IPO11: variants seen among roughly 807,000 people sequenced by gnomAD.
IPO11 encodes importin 11.
In IPO11, 66 loss-of-function variants were observed where a neutral mutation model predicts 143.2. That is an observed-to-expected ratio of 0.46 (90% confidence interval 0.38 to 0.57). IPO11 has a LOEUF of 0.57. Among genes scored for constraint, IPO11 ranks in the 20% least tolerant of loss-of-function variants. The probability of loss-of-function intolerance (pLI) is 0.00; values close to 1 mark genes in which losing one functional copy is unlikely to be tolerated. For synonymous variants in IPO11, 385 were observed against 377.8 expected (o/e 1.02, Z -0.22); for missense variants, 1,026 against 1,141.0 (o/e 0.90, Z 1.45).
chr5:62,485,207 A>G (rs567797134), intron 11 of IPO11, among the ~76,000 whole-genome samples: 1 of 152,180 alleles, frequency 6.6e-6, no homozygotes. Flanking sequence ...ATGCTTATGG[A>G]TATAGTAAGC....
intron 21 of IPO11, among the ~76,000 whole-genome samples, chr5:62,528,936 C>T (rs1742454141): frequency 1.3e-5 from 2 of 152,086 alleles, no homozygotes; most frequent in Non-Finnish European, 2.9e-5. Flanking sequence ...TTTTATTTTC[C>T]TCTTGATCCA....
intron 27 of IPO11, among the ~76,000 whole-genome samples, chr5:62,590,908 TAAA>T (rs869054758): frequency 1.3e-5 from 2 of 151,492 alleles, no homozygotes; most frequent in Admixed American, 1.3e-4. Flanking sequence ...TTTGCCTTTT[TAAA>T]AAAAAATGTT....
chr5:62,419,056 T>G, intron 1 of IPO11: 1 of 1,551,274 alleles, frequency 6.4e-7, no homozygotes, highest in Non-Finnish European at 8.7e-7. Context: ...GGTATATAGC[T>G]TATTGTATCT....
intron 27 of IPO11, among the ~76,000 whole-genome samples, chr5:62,568,552 C>A (rs1185261696): frequency 9.4e-6 from 1 of 106,860 alleles, no homozygotes; most frequent in African/African-American, 4.0e-5. Context: ...CCAACCTGGG[C>A]GACAGAGCAA....
At chr5:62,590,401 T>C (rs1323350298) in intron 27 of IPO11, among the ~76,000 whole-genome samples, 1 of 152,210 alleles carries the variant, frequency 6.6e-6, no homozygotes, top group African/African-American at 2.4e-5. Flanking sequence ...GGTTGTGGGT[T>C]TTAGTGCCTA....
intron 21 of IPO11, among the ~76,000 whole-genome samples, chr5:62,529,009 T>C (rs1742456493): frequency 6.6e-6 from 1 of 152,186 alleles, no homozygotes; most frequent in African/African-American, 2.4e-5. Flanking sequence ...TGGTTCTCTT[T>C]GTTGTATATC....
intron 13 of IPO11, 50 bp from the exon 14 acceptor site, chr5:62,489,252 A>T: frequency 9.1e-7 from 1 of 1,097,526 alleles, no homozygotes; most frequent in Non-Finnish European, 1.3e-6. Context: ...TTTTTAAAAA[A>T]CTAGTTTTAT....
intron 19 of IPO11, among the ~76,000 whole-genome samples, chr5:62,513,708 C>T (rs576698901): frequency 8.2e-5 from 12 of 146,038 alleles, no homozygotes; most frequent in South Asian, 2.2e-4. Flanking sequence ...CACCCCCGGA[C>T]GGGGCGGCTG....
At chr5:62,509,202 A>G (rs906934138) in intron 19 of IPO11, among the ~76,000 whole-genome samples, 2 of 152,244 alleles carry the variant, frequency 1.3e-5, no homozygotes, top group African/African-American at 2.4e-5. Flanking sequence ...CAGGCGTGGT[A>G]TCAGGTGGTC....
At position 62,550,474 on chromosome 5, in the gene IPO11, C is replaced by CT. The variant is rs1282165424; in HGVS notation, c.2346+15dup. 2 of 1,556,740 alleles carry CT rather than the reference C, an allele frequency of 1.3e-6. No homozygotes were observed. Among genetic ancestry groups the CT allele is most frequent in the Admixed American group, 3.4e-5 (2 of 59,486 alleles). On this transcript the variant is annotated intron_variant, in intron 25 of 29. Transcript: ENST00000325324. ...TTATAGAAGGGGAGGTAAGATTTTTCTTTAAGTTCCAAAGGTAGTGTTAGA... is the reference window on the plus strand; with the variant it reads ...TTATAGAAGGGGAGGTAAGATTTTTCTTTTAAGTTCCAAAGGTAGTGTTAGA...
chr5:62,476,331 AAT>A (rs1231004771), intron 8 of IPO11, among the ~76,000 whole-genome samples: 1 of 152,142 alleles, frequency 6.6e-6, no homozygotes, highest in African/African-American at 2.4e-5. Context: ...GAAAAATGAT[AAT>A]GAGTGTGTTA....
intron 24 of IPO11, among the ~76,000 whole-genome samples, chr5:62,549,269 T>C (rs1289148926): frequency 6.6e-6 from 1 of 152,212 alleles, no homozygotes; most frequent in African/African-American, 2.4e-5. Context: ...ATCTTTTATT[T>C]GGACCTTACC....
chr5:62,625,521 A>C (rs1003863870), intron 29 of IPO11, among the ~76,000 whole-genome samples: 2 of 152,232 alleles, frequency 1.3e-5, no homozygotes, highest in African/African-American at 4.8e-5. Flanking sequence ...CTTGCTAATG[A>C]CTGAAGCTTC....
intron 1 of IPO11, among the ~76,000 whole-genome samples, chr5:62,413,822 T>C (rs1404809508): frequency 2.6e-5 from 4 of 152,236 alleles, no homozygotes; most frequent in Non-Finnish European, 4.4e-5. Context: ...CAAACTTCTC[T>C]GTTCAGTAGA....
At chr5:62,424,817 ACT>A (rs1166292071) in intron 1 of IPO11, among the ~76,000 whole-genome samples, 1 of 150,852 alleles carries the variant, frequency 6.6e-6, no homozygotes, top group Non-Finnish European at 1.5e-5. Flanking sequence ...TACTCCTGTC[ACT>A]CTTGTCTGTT....
chr5:62,458,029 C>G (rs1219391585), intron 5 of IPO11, among the ~76,000 whole-genome samples: 1 of 151,476 alleles, frequency 6.6e-6, no homozygotes, highest in African/African-American at 2.4e-5. Context: ...CGCCTGTAGT[C>G]CCAGCTACTC....
At chr5:62,539,343 A>T (rs931121922) in intron 24 of IPO11, among the ~76,000 whole-genome samples, 3 of 152,150 alleles carry the variant, frequency 2.0e-5, no homozygotes, top group Non-Finnish European at 4.4e-5. Context: ...CCGCTGTCAC[A>T]TGATGTTCTC....
chr5:62,476,684 T>C lies in IPO11; in HGVS notation c.759T>C (p.Ser253=). 1 of 1,512,680 alleles carries C rather than the reference T, an allele frequency of 6.6e-7. No individual in the cohort carries two copies. Among genetic ancestry groups the C allele is most frequent in the Non-Finnish European group, 8.9e-7 (1 of 1,128,328 alleles). 93.7% of individuals were successfully genotyped at this position (1,512,680 alleles called of 1,614,324 possible). ...ATATTTGAAATGTATTTTTAACAGGTAGAAGTATAGGTACAGATAATGTGT... is the reference window on the plus strand; with the variant it reads ...ATATTTGAAATGTATTTTTAACAGGCAGAAGTATAGGTACAGATAATGTGT... The part of the protein sequence containing the change: ...FERLKQFLEC[S]RSIGTDNVCR... The change falls in exon 9 of 30, where the codon AGT becomes AGC. Residue 253 remains serine (S), a splice_region_variant and synonymous_variant. Coordinates refer to ENST00000325324, the MANE Select transcript of IPO11 (RefSeq NM_016338.5).
chr5:62,550,570 T>A, intron 25 of IPO11, 108 bp downstream of exon 25: 1 of 678,478 alleles, frequency 1.5e-6, no homozygotes, highest in Non-Finnish European at 2.3e-6. Context: ...TGGATCATAT[T>A]AAATTATGTT....
Sources: allele counts gnomAD v4.1 joint callset (sites outside exome capture counted in the v4.1 genomes callset), GRCh38; gene constraint gnomAD v4.1.1; transcripts MANE v1.5; gene names NCBI Gene and HGNC (gene_info 2026-07-23, HGNC 2026-07-21).